Variants in NKIRAS1 observed in about 807,000 individuals in gnomAD.
NKIRAS1 encodes NFKB inhibitor interacting Ras like 1, also known as NF-kappa-B inhibitor-interacting Ras-like protein 1.
A neutral mutation model predicts 19.8 loss-of-function variants in NKIRAS1; 16 were observed. The observed-to-expected ratio is 0.81, with a 90% CI of 0.55 to 1.23. The LOEUF (loss-of-function observed/expected upper bound fraction) is 1.23. Among genes scored for constraint, NKIRAS1 ranks in the 50% most tolerant of loss-of-function variants. The pLI is 0.00. For missense variants in NKIRAS1, 184 were observed against 220.0 expected, an observed-to-expected ratio of 0.84 and a Z score of 1.04; for synonymous variants, 88 against 79.0, an observed-to-expected ratio of 1.11 and a Z score of -0.61.
chr3:23,929,009 AAAAAG>A (rs71057638), intron 1 of NKIRAS1, among the ~76,000 whole-genome samples: 48,134 of 145,090 alleles, frequency 0.33, 8,585 homozygotes, highest in Middle Eastern at 0.46. Flanking sequence ...TAAAAAAAAA[AAAAAG>A]AAAAGAAAAG....
Position 23,900,873 on chromosome 3 carries a change from G to A in NKIRAS1, c.271C>T (p.Leu91Phe). Residue 91 changes from leucine (L) to phenylalanine (F), a missense_variant, in exon 4 of 5, where the codon CTT (leucine) becomes TTT (phenylalanine). By Grantham distance (22) the Leu-to-Phe change is conservative. Transcript: ENST00000425478. ...GFVLVYSVNN[L>F]ESFQRVELLK... The stretch of plus-strand genomic sequence containing the variant: ...AGCTCCACTCTTTGAAAGGATTCAA[G>A]GTTATTCACACTGTACACAAGAACG... 6.2e-7 allele frequency: 1 copy of A among 1,613,756 alleles called. No homozygotes were observed. Among genetic ancestry groups the A allele is most frequent in the Non-Finnish European group, 8.5e-7 (1 of 1,179,694 alleles).
At chr3:23,898,876 G>A (rs758114834) in intron 4 of NKIRAS1, among the ~76,000 whole-genome samples, 32 of 152,146 alleles carry the variant, frequency 2.1e-4, no homozygotes, top group Non-Finnish European at 3.8e-4. Context: ...CCTGAGCTCC[G>A]CCTCCTGTCA....
rs541178290 is a variant in NKIRAS1 at position 23,931,170 on chromosome 3, T to C, written c.-140+15153A>G. Among the ~76,000 whole-genome samples, 6 of 152,344 alleles carry C rather than the reference T, an allele frequency of 3.9e-5. No homozygotes were observed. In the East Asian group the frequency reaches 9.6e-4, roughly 24 times the overall value. On this transcript the variant is annotated intron_variant, in intron 1 of 4. Coordinates refer to the NKIRAS1 transcript ENST00000421515. ...AATACCGTAAACAGTGTTTCCATCA[T>C]TGACCTGGTTTCTGAAGTGGTTTGA...
intron 1 of NKIRAS1, among the ~76,000 whole-genome samples, chr3:23,929,539 A>G (rs1439519133): frequency 6.6e-6 from 1 of 151,932 alleles, no homozygotes; most frequent in African/African-American, 2.4e-5. Context: ...CGATCCTCCC[A>G]CCTCAGCCTC....
intron 2 of NKIRAS1, 131 bp from the exon 3 acceptor site, chr3:23,911,052 G>T: frequency 1.5e-6 from 1 of 688,840 alleles, no homozygotes; most frequent in South Asian, 1.8e-5. Flanking sequence ...AGGAGATATA[G>T]AATAAGGTAT....
chr3:23,925,574 C>T (rs535520294), intron 1 of NKIRAS1, among the ~76,000 whole-genome samples: 11 of 152,074 alleles, frequency 7.2e-5, no homozygotes, highest in Non-Finnish European at 1.5e-4. Context: ...GTTGAAGCTG[C>T]GGTGAGCCAA....
At chr3:23,932,270 A>G (rs1364068347) in intron 1 of NKIRAS1, among the ~76,000 whole-genome samples, 7 of 152,230 alleles carry the variant, frequency 4.6e-5, no homozygotes, top group Non-Finnish European at 7.3e-5. Context: ...AATAAATTAC[A>G]TAATGAAATC....
At chr3:23,936,082 CAAAAAA>C (rs35945213) in intron 1 of NKIRAS1, among the ~76,000 whole-genome samples, 9 of 63,906 alleles carry the variant, frequency 1.4e-4, no homozygotes, top group South Asian at 7.1e-4. Flanking sequence ...GACCCTGTCT[CAAAAAA>C]AAAAAAAAAA....
chr3:23,945,615 G>T (rs1206909515), intron 1 of NKIRAS1: 2 of 1,177,942 alleles, frequency 1.7e-6, no homozygotes, highest in Non-Finnish European at 2.1e-6. Context: ...GACTGCGGCG[G>T]GTGGGGGATG....
rs748593181 is a variant in NKIRAS1 at position 23,938,975 on chromosome 3, C to T, written c.-140+7348G>A. Among the ~76,000 whole-genome samples, 4 of 152,334 alleles carry T rather than the reference C, an allele frequency of 2.6e-5. No homozygotes were observed. The East Asian group carries it at 7.7e-4, about 29-fold the overall frequency. On this transcript the variant is annotated intron_variant, in intron 1 of 4. Coordinates refer to the NKIRAS1 transcript ENST00000421515. ...AGCTAGCTCCTAGCAGCTCCAACCC[C>T]CTGCTGTTTCAGCTCCACCCACTGT...
At chr3:23,918,568 G>A (rs775237097), upstream of NKIRAS1, 1 of 1,613,604 alleles carries the variant, frequency 6.2e-7, no homozygotes, top group Non-Finnish European at 8.5e-7. Context: ...CCTTCAGTCC[G>A]TTGCAGAGGT....
intron 1 of NKIRAS1, among the ~76,000 whole-genome samples, chr3:23,943,293 C>T (rs1253529610): frequency 6.6e-6 from 1 of 152,162 alleles, no homozygotes; most frequent in Non-Finnish European, 1.5e-5. Flanking sequence ...AGTGCAATGG[C>T]GCGATCTCGG....
At chr3:23,905,581 A>T (rs1006846949) in intron 3 of NKIRAS1, among the ~76,000 whole-genome samples, 8 of 152,228 alleles carry the variant, frequency 5.3e-5, no homozygotes, top group Non-Finnish European at 1.2e-4. Flanking sequence ...CTCCATAAAA[A>T]CTAATATGTA....
chr3:23,919,148 C>CTA, upstream of NKIRAS1: 1 of 1,316,274 alleles, frequency 7.6e-7, no homozygotes, highest in African/African-American at 1.5e-5. Context: ...TGACTTGCTG[C>CTA]TATAGGCAAT....
rs754299949 is a variant in NKIRAS1, at chr3:23,892,394, T to C, written c.*701A>G. ...TTTACTGTCCTTAAGTGCCTAATCA[T>C]TTTCAAGAGGAGGAGCAAACAGTTT... On this transcript the variant is annotated 3_prime_UTR_variant, in exon 5 of 5. Coordinates refer to ENST00000425478, the MANE Select transcript of NKIRAS1 (RefSeq NM_020345.4). The C allele has an allele frequency of 8.5e-5, 13 of 152,226 alleles. No individual in the cohort carries two copies. The highest frequency in any genetic ancestry group is 1.5e-4 in the Non-Finnish European group (10 of 68,044). The allele number at this position is 152,226 out of a possible 1,614,324, so 9.4% of individuals were successfully genotyped here.
chr3:23,920,537 CAGG>C, upstream of NKIRAS1: 1 of 985,314 alleles, frequency 1.0e-6, no homozygotes, highest in African/African-American at 1.7e-5. Context: ...CCATGTCTTC[CAGG>C]AGACTAGACT....
At chr3:23,920,627 G>T (rs555873785), upstream of NKIRAS1, 338 of 985,036 alleles carry the variant, frequency 3.4e-4, 5 homozygotes, top group South Asian at 0.015. Flanking sequence ...TGACTTTGCT[G>T]ACTTAATTTA....
At chr3:23,917,960 C>T (rs766367909), upstream of NKIRAS1, 2 of 1,613,744 alleles carry the variant, frequency 1.2e-6, no homozygotes, top group Non-Finnish European at 1.7e-6. Flanking sequence ...CGCCAGCTCT[C>T]TGCTCTCCAC....
At chr3:23,907,813 G>A (rs1703220983) in intron 3 of NKIRAS1, among the ~76,000 whole-genome samples, 1 of 152,110 alleles carries the variant, frequency 6.6e-6, no homozygotes, top group Admixed American at 6.5e-5. Flanking sequence ...GGAATTAAAT[G>A]GAAACTATAC....
Sources: gnomAD v4.1 joint callset for allele counts (sites outside exome capture counted in the v4.1 genomes callset) on GRCh38, gnomAD v4.1.1 for gene constraint, MANE v1.5 for transcripts, NCBI Gene and HGNC (gene_info 2026-07-23, HGNC 2026-07-21) for gene names.